The following TNRC6B variants were observed in gnomAD, a reference collection of about 807,000 sequenced individuals.
TNRC6B encodes the protein trinucleotide repeat containing adaptor 6B, also known as trinucleotide repeat-containing gene 6B protein.
Under a neutral mutation model 203.6 loss-of-function variants are expected in TNRC6B, and 52 were observed. The observed-to-expected ratio is 0.26, with a 90% CI of 0.20 to 0.32. TNRC6B has a LOEUF of 0.32. Among genes scored for constraint, TNRC6B ranks in the 10% least tolerant of loss-of-function variants. The pLI, the probability that TNRC6B is intolerant of heterozygous loss-of-function variation, is 1.00. For synonymous variants in TNRC6B, 838 were observed against 845.7 expected, an observed-to-expected ratio of 0.99 and a Z score of 0.16; for missense variants, 1,923 against 2,286.2, an observed-to-expected ratio of 0.84 and a Z score of 3.24.
intron 19 of TNRC6B, among the ~76,000 whole-genome samples, chr22:40,314,020 T>G (rs1037102663): frequency 6.6e-6 from 1 of 151,664 alleles, no homozygotes; most frequent in Non-Finnish European, 1.5e-5. Flanking sequence ...TTTTGTAGGA[T>G]TTCTTTTACA....
chr22:40,196,300 C>T (rs2069336634), intron 1 of TNRC6B, among the ~76,000 whole-genome samples: 1 of 150,584 alleles, frequency 6.6e-6, no homozygotes. Context: ...CAGGCTCCAC[C>T]ACCATGCCTG....
At chr22:40,180,175 A>G (rs993002194) in intron 1 of TNRC6B, among the ~76,000 whole-genome samples, 4 of 152,256 alleles carry the variant, frequency 2.6e-5, no homozygotes, top group African/African-American at 9.6e-5. Context: ...GTAGACCTAA[A>G]GGAAAATCAG....
At chr22:40,275,159 T>C (rs1224688671) in intron 7 of TNRC6B, among the ~76,000 whole-genome samples, 1 of 152,256 alleles carries the variant, frequency 6.6e-6, no homozygotes, top group Non-Finnish European at 1.5e-5. Flanking sequence ...GATGTTTTGC[T>C]TAAGCAGTCA....
chr22:40,150,881 C>G (rs2068745378), intron 3 of TNRC6B, among the ~76,000 whole-genome samples: 1 of 152,052 alleles, frequency 6.6e-6, no homozygotes, highest in Non-Finnish European at 1.5e-5. Flanking sequence ...ATGGGCAGGT[C>G]CCTTCCTGAT....
intron 2 of TNRC6B, among the ~76,000 whole-genome samples, chr22:40,118,033 A>G (rs2068406960): frequency 6.6e-6 from 1 of 152,206 alleles, no homozygotes; most frequent in Non-Finnish European, 1.5e-5. Context: ...TTTGAAAGCA[A>G]AAATGATAGG....
chr22:40,172,406 A>C (rs1415310122), intron 4 of TNRC6B, among the ~76,000 whole-genome samples: 1 of 152,238 alleles, frequency 6.6e-6, no homozygotes, highest in Admixed American at 6.5e-5. Flanking sequence ...TAGGGAAAGT[A>C]CTTAGTACAT....
At chr22:40,259,307 C>T (rs1053528892) in intron 3 of TNRC6B, among the ~76,000 whole-genome samples, 4 of 152,058 alleles carry the variant, frequency 2.6e-5, no homozygotes, top group East Asian at 1.9e-4. Flanking sequence ...TCACTGCAAC[C>T]CCCGCTTCCC....
At chr22:40,073,855 C>T (rs529496807) in intron 1 of TNRC6B, among the ~76,000 whole-genome samples, 2 of 151,934 alleles carry the variant, frequency 1.3e-5, no homozygotes, top group Non-Finnish European at 2.9e-5. Context: ...GTCAGGAGTT[C>T]GAGACCAACC....
chr22:40,290,100 G>T (rs1348072136), intron 12 of TNRC6B, among the ~76,000 whole-genome samples: 1 of 152,204 alleles, frequency 6.6e-6, no homozygotes, highest in Non-Finnish European at 1.5e-5. Context: ...ACCCTGCCTC[G>T]GCTCAACATT....
Position 40,170,591 on chromosome 22 carries a change from T to TTA in TNRC6B, c.113+14416_113+14417dup, listed in dbSNP as rs751198797. Among the ~76,000 whole-genome samples, 28 of 16,532 alleles carry TTA rather than the reference T, an allele frequency of 1.7e-3. 3 individuals are homozygous for TTA. Among genetic ancestry groups the TTA allele is most frequent in the South Asian group, 0.016 (5 of 316 alleles). The allele number at this position is 16,532 out of a possible 152,430, so 10.8% of individuals were successfully genotyped here. A position where few individuals can be genotyped will look rare whatever the true frequency, so the allele number is the denominator to read the frequency against. On this transcript the variant is annotated intron_variant, in intron 4 of 23. Coordinates refer to the TNRC6B transcript ENST00000301923. ...ATTATATATATAGTTTATATATATA[T>TTA]TATATATAGTTTATATATATCCTAT...
rs780059975 is a variant in TNRC6B, at chr22:40,265,079, T to C, written c.849T>C (p.Asn283=). Residue 283 remains asparagine (N), a synonymous_variant, in exon 5 of 23, where the codon AAT becomes AAC. Transcript: ENST00000454349. The stretch of plus-strand genomic sequence containing the variant: ...CAGAGAACAACAATGGACTAGGAAA[T>C]TGGAGGAATGTGAGTGGTCAGGATA... ...STTENNNGLG[N]WRNVSGQDRI... 6 of 1,613,756 alleles carry C rather than the reference T, an allele frequency of 3.7e-6. No individual in the cohort carries two copies. The African/African-American group carries it at 5.3e-5, about 14-fold the overall frequency.
rs1449091097 is a variant in TNRC6B, at chr22:40,334,010, T to C, written c.*10769T>C. 6.6e-6 allele frequency: 1 copy of C among 152,656 alleles called. No homozygotes were observed. Among genetic ancestry groups the C allele is most frequent in the African/African-American group, 2.4e-5 (1 of 41,464 alleles). 9.5% of individuals were successfully genotyped at this position (152,656 alleles called of 1,614,324 possible). On this transcript the variant is annotated 3_prime_UTR_variant, in exon 23 of 23. Transcript: ENST00000454349. ...TTGAAGGAAGAAGCTTGATTATAAG[T>C]GCATGCATATTATCCACCCACCTTC...
At chr22:40,229,781 TAAC>T (rs1377517516) in intron 1 of TNRC6B, among the ~76,000 whole-genome samples, 1 of 152,240 alleles carries the variant, frequency 6.6e-6, no homozygotes, top group Non-Finnish European at 1.5e-5. Flanking sequence ...ATGTTGTGTT[TAAC>T]AATAGTCCAT....
At chr22:40,159,634 A>G (rs12484633) in intron 4 of TNRC6B, among the ~76,000 whole-genome samples, 102,692 of 151,212 alleles carry the variant, frequency 0.68, 36,655 homozygotes, top group African/African-American at 0.91. Context: ...GCAAGACTCC[A>G]TCTTAAAACA....
rs2068151011 is a variant in TNRC6B, at chr22:40,091,500, T to C, written c.-120-25555T>C. Among the ~76,000 whole-genome samples the C allele has an allele frequency of 3.9e-5, 6 of 152,068 alleles. No homozygotes were observed. In the South Asian group the frequency reaches 1.2e-3, roughly 32 times the overall value. ...AAAAGCACAGCAAAGCAAAGTCTTG[T>C]GTGACATTTACGAGACAGTTGGAAG... On this transcript the variant is annotated intron_variant, in intron 1 of 23. Coordinates refer to the TNRC6B transcript ENST00000301923.
At chr22:40,172,996 A>G (rs1410405724), upstream of TNRC6B, among the ~76,000 whole-genome samples, 2 of 152,226 alleles carry the variant, frequency 1.3e-5, no homozygotes, top group Non-Finnish European at 2.9e-5. Context: ...CTAAATCTGC[A>G]GTTATGATAT....
intron 1 of TNRC6B, among the ~76,000 whole-genome samples, chr22:40,228,877 C>T (rs2069828893): frequency 6.6e-6 from 1 of 152,026 alleles, no homozygotes; most frequent in Admixed American, 6.6e-5. Context: ...CTCCTAATTT[C>T]AGGCTGTTGT....
chr22:40,122,027 A>C (rs2068451361), intron 2 of TNRC6B, among the ~76,000 whole-genome samples: 1 of 152,252 alleles, frequency 6.6e-6, no homozygotes. Flanking sequence ...CAGAAGCCTC[A>C]AAAATGCCAC....
intron 1 of TNRC6B, among the ~76,000 whole-genome samples, chr22:40,183,049 G>A (rs2069155267): frequency 7.9e-6 from 1 of 126,116 alleles, no homozygotes; most frequent in East Asian, 2.1e-4. Context: ...TTTCCTCACT[G>A]TTGTATCCCC....
Sources: allele counts gnomAD v4.1 joint callset (sites outside exome capture counted in the v4.1 genomes callset), GRCh38; gene constraint gnomAD v4.1.1; transcripts MANE v1.5; gene names NCBI Gene and HGNC (gene_info 2026-07-23, HGNC 2026-07-21).